Variants in CSMD1 observed in about 807,000 individuals in gnomAD.
The protein encoded by CSMD1 is CUB and sushi domain-containing protein 1.
In CSMD1, 213 loss-of-function variants were observed where a neutral mutation model predicts 417.5. That is an observed-to-expected ratio of 0.51 (90% confidence interval 0.46 to 0.57). The LOEUF is 0.57. Among genes scored for constraint, CSMD1 ranks in the 20% least tolerant of loss-of-function variants. The pLI, the probability that CSMD1 is intolerant of heterozygous loss-of-function variation, is 0.00. For missense variants in CSMD1, 6,923 were observed against 4,529.7 expected (o/e 1.53, Z -15.17); for synonymous variants, 2,862 against 1,736.8 (o/e 1.65, Z -16.11).
rs1354412482 is a variant in CSMD1 at position 4,815,606 on chromosome 8, GA to G, written c.86-178049del. Among the ~76,000 whole-genome samples, 9 of 146,706 alleles carry G rather than the reference GA, an allele frequency of 6.1e-5. No homozygotes were observed. The South Asian group carries it at 1.5e-3, about 25-fold the overall frequency. ...AGCTATTTGGGAGGCTGAGGCAGGA[GA>G]AGCGCTTGAACCCAGGAGATGAAGG... On this transcript the variant is annotated intron_variant, in intron 1 of 69. Transcript: ENST00000635120.
At chr8:2,945,007 C>T (rs1802122437) in intron 68 of CSMD1, among the ~76,000 whole-genome samples, 1 of 152,242 alleles carries the variant, frequency 6.6e-6, no homozygotes, top group East Asian at 1.9e-4. Context: ...ACCAAACTTA[C>T]CGTGAGATTA....
At chr8:3,560,831 A>T (rs1799438329) in intron 10 of CSMD1, among the ~76,000 whole-genome samples, 1 of 152,176 alleles carries the variant, frequency 6.6e-6, no homozygotes. Flanking sequence ...CTTCTGTAAC[A>T]CAATGGCTTA....
chr8:4,414,487 C>A (rs976190528), intron 3 of CSMD1, among the ~76,000 whole-genome samples: 15 of 152,036 alleles, frequency 9.9e-5, no homozygotes, highest in African/African-American at 2.7e-4. Context: ...ATTTCATATC[C>A]TATACTGAGC....
chr8:3,577,463 T>C (rs1214132353), intron 9 of CSMD1, among the ~76,000 whole-genome samples: 1 of 152,212 alleles, frequency 6.6e-6, no homozygotes, highest in African/African-American at 2.4e-5. Flanking sequence ...TAAAAAATTG[T>C]TTATTTTTTG....
intron 26 of CSMD1, among the ~76,000 whole-genome samples, chr8:3,241,610 G>C (rs1450401672): frequency 6.6e-6 from 1 of 152,166 alleles, no homozygotes; most frequent in Non-Finnish European, 1.5e-5. Context: ...GCACAGACGG[G>C]ACACGGTTTA....
At chr8:4,945,813 C>A (rs183315067) in intron 1 of CSMD1, among the ~76,000 whole-genome samples, 1 of 152,062 alleles carries the variant, frequency 6.6e-6, no homozygotes, top group Non-Finnish European at 1.5e-5. Flanking sequence ...GGCAGCAGAA[C>A]CCAGTTTTGG....
At chr8:4,681,675 C>G (rs1272808241) in intron 1 of CSMD1, among the ~76,000 whole-genome samples, 1 of 152,140 alleles carries the variant, frequency 6.6e-6, no homozygotes, top group Non-Finnish European at 1.5e-5. Flanking sequence ...TACATCCCCC[C>G]TTTTCCTCAT....
chr8:4,551,216 C>A (rs933846974), intron 2 of CSMD1, among the ~76,000 whole-genome samples: 2 of 152,090 alleles, frequency 1.3e-5, no homozygotes, highest in African/African-American at 4.8e-5. Flanking sequence ...ACCAACCCTC[C>A]TGTAATACTG....
At chr8:4,059,911 G>C (rs1798883641) in intron 3 of CSMD1, among the ~76,000 whole-genome samples, 1 of 151,602 alleles carries the variant, frequency 6.6e-6, no homozygotes, top group Admixed American at 6.6e-5. Flanking sequence ...CCAATCAATA[G>C]AAAAAGAGGG....
At chr8:2,982,966 G>A (rs540403664) in intron 54 of CSMD1, among the ~76,000 whole-genome samples, 1 of 152,070 alleles carries the variant, frequency 6.6e-6, no homozygotes, top group Non-Finnish European at 1.5e-5. Context: ...CCTCTCCATG[G>A]CACAGATGCT....
intron 1 of CSMD1, among the ~76,000 whole-genome samples, chr8:4,780,693 T>C (rs532868590): frequency 6.6e-6 from 1 of 152,270 alleles, no homozygotes; most frequent in East Asian, 1.9e-4. Context: ...CTGCACCATG[T>C]ATGTTGTCTT....
At chr8:4,423,972 C>G (rs1301521570) in intron 2 of CSMD1, among the ~76,000 whole-genome samples, 1 of 151,882 alleles carries the variant, frequency 6.6e-6, no homozygotes, top group East Asian at 1.9e-4. Flanking sequence ...ATAGAATAAA[C>G]CAACAAATTA....
chr8:3,772,195 C>CTGT (rs1563063660), intron 5 of CSMD1, among the ~76,000 whole-genome samples: 1 of 112,938 alleles, frequency 8.9e-6, no homozygotes, highest in East Asian at 2.6e-4. Flanking sequence ...TATATACACA[C>CTGT]ACACACACAC....
At chr8:3,475,519 T>C (rs1318034937) in intron 11 of CSMD1, among the ~76,000 whole-genome samples, 2 of 152,256 alleles carry the variant, frequency 1.3e-5, no homozygotes, top group African/African-American at 2.4e-5. Context: ...GGCTCTGTCA[T>C]TAATTCACGT....
At chr8:3,243,515 A>T (rs1042619200) in intron 26 of CSMD1, among the ~76,000 whole-genome samples, 1 of 152,068 alleles carries the variant, frequency 6.6e-6, no homozygotes, top group African/African-American at 2.4e-5. Flanking sequence ...CAAGATGCTC[A>T]GCAGGGGAGT....
At chr8:3,139,410 C>A (rs112702482) in intron 41 of CSMD1, among the ~76,000 whole-genome samples, 2 of 152,054 alleles carry the variant, frequency 1.3e-5, no homozygotes, top group Admixed American at 1.3e-4. Flanking sequence ...GCCCCTGAAG[C>A]CAAGGGAAAA....
At chr8:4,132,118 G>C (rs1248158153) in intron 3 of CSMD1, among the ~76,000 whole-genome samples, 2 of 151,134 alleles carry the variant, frequency 1.3e-5, no homozygotes, top group Non-Finnish European at 2.9e-5. Context: ...CCCAAAGTCT[G>C]TCTTGACAGT....
At chr8:3,726,272 C>T (rs1802491236) in intron 6 of CSMD1, among the ~76,000 whole-genome samples, 1 of 152,194 alleles carries the variant, frequency 6.6e-6, no homozygotes, top group Non-Finnish European at 1.5e-5. Context: ...AGCTAGGCTG[C>T]ACATCGTCTC....
intron 10 of CSMD1, among the ~76,000 whole-genome samples, chr8:3,565,248 C>A (rs1452137190): frequency 6.8e-6 from 1 of 145,998 alleles, no homozygotes; most frequent in Non-Finnish European, 1.5e-5. Context: ...ATGATGACAG[C>A]CAAGATGAAC....
Sources: gnomAD v4.1 joint callset for allele counts (sites outside exome capture counted in the v4.1 genomes callset) on GRCh38, gnomAD v4.1.1 for gene constraint, MANE v1.5 for transcripts, NCBI Gene and HGNC (gene_info 2026-07-23, HGNC 2026-07-21) for gene names.